The following OSBPL8 variants were observed in gnomAD, a reference collection of about 807,000 sequenced individuals.
OSBPL8 encodes the protein oxysterol-binding protein-related protein 8.
OSBPL8 carries 59 observed loss-of-function variants against 125.5 expected under a neutral mutation model. The ratio of observed to expected loss-of-function variants is 0.47; its 90% CI spans 0.38 to 0.58. The LOEUF is 0.58. Among genes scored for constraint, OSBPL8 ranks in the 20% least tolerant of loss-of-function variants. OSBPL8 has a pLI of 0.00. For synonymous variants in OSBPL8, 330 were observed against 338.9 expected (o/e 0.97, Z 0.29); for missense variants, 758 against 1,047.8 (o/e 0.72, Z 3.82).
chr12:76,510,072 C>A (rs536446541), intron 1 of OSBPL8, among the ~76,000 whole-genome samples: 1 of 152,322 alleles, frequency 6.6e-6, no homozygotes, highest in South Asian at 2.1e-4. Flanking sequence ...TCAAATTCAT[C>A]ATAATTTAGT....
chr12:76,410,041 T>C (rs1443138671), intron 5 of OSBPL8, among the ~76,000 whole-genome samples: 1 of 145,500 alleles, frequency 6.9e-6, no homozygotes, highest in East Asian at 1.9e-4. Context: ...AAATCTGAAT[T>C]TTCTTCAAGA....
intron 5 of OSBPL8, among the ~76,000 whole-genome samples, chr12:76,403,692 T>C (rs1292965452): frequency 6.6e-6 from 1 of 152,210 alleles, no homozygotes; most frequent in East Asian, 1.9e-4. Context: ...TTCTTAGCAG[T>C]ACTCCTAAGC....
chr12:76,528,127 C>T (rs1421421104), intron 1 of OSBPL8, among the ~76,000 whole-genome samples: 13 of 152,038 alleles, frequency 8.6e-5, no homozygotes, highest in Admixed American at 8.5e-4. Context: ...TCAAGACCAG[C>T]CTGACCAACA....
chr12:76,474,365 C>G (rs1449047493), intron 2 of OSBPL8, among the ~76,000 whole-genome samples: 3 of 151,892 alleles, frequency 2.0e-5, no homozygotes, highest in Non-Finnish European at 1.5e-5. Context: ...AAAACAGCAG[C>G]AATGGAGCAA....
At chr12:76,476,777 TC>T (rs1876855758) in intron 2 of OSBPL8, among the ~76,000 whole-genome samples, 1 of 151,980 alleles carries the variant, frequency 6.6e-6, no homozygotes, top group Non-Finnish European at 1.5e-5. Context: ...AGAAAAGACT[TC>T]CCAAGTCTCA....
intron 5 of OSBPL8, among the ~76,000 whole-genome samples, chr12:76,403,171 C>T (rs1283146186): frequency 6.6e-6 from 1 of 152,062 alleles, no homozygotes; most frequent in African/African-American, 2.4e-5. Flanking sequence ...CACATATTGC[C>T]CTGCTTCTAC....
At chr12:76,464,743 T>C (rs1373888881) in intron 2 of OSBPL8, among the ~76,000 whole-genome samples, 1 of 152,192 alleles carries the variant, frequency 6.6e-6, no homozygotes, top group African/African-American at 2.4e-5. Context: ...CCTCTTAATA[T>C]ACATCACGGC....
Position 76,371,521 on chromosome 12 carries a change from G to T in OSBPL8, c.1981C>A (p.Pro661Thr), listed in dbSNP as rs1269945790. Reference sequence around the variant, plus strand: ...ATTAATCTCCATTGCTTAATGTCAGGTGTTGGATTCCAGAAAACCTCTGAA... The same window carrying T: ...ATTAATCTCCATTGCTTAATGTCAGTTGTTGGATTCCAGAAAACCTCTGAA... Reference protein sequence around the residue: ...DNSEVFWNPTPDIKQWRLIRH... With the variant: ...DNSEVFWNPTTDIKQWRLIRH... Residue 661 changes from proline to threonine, a missense_variant, in exon 19 of 24, where the codon CCT becomes ACT. Transcript: ENST00000261183. 1 of 1,610,912 alleles carries T rather than the reference G, an allele frequency of 6.2e-7. No homozygotes were observed. Among genetic ancestry groups the T allele is most frequent in the Non-Finnish European group, 8.5e-7 (1 of 1,178,518 alleles).
chr12:76,527,938 T>C (rs952507417), intron 1 of OSBPL8, among the ~76,000 whole-genome samples: 2 of 152,160 alleles, frequency 1.3e-5, no homozygotes, highest in Non-Finnish European at 1.5e-5. Context: ...AAGAAATCAA[T>C]AAAGAGTTGT....
intron 4 of OSBPL8, among the ~76,000 whole-genome samples, chr12:76,446,156 A>C (rs528610231): frequency 6.6e-6 from 1 of 152,326 alleles, no homozygotes; most frequent in East Asian, 1.9e-4. Context: ...AGGACCTTTA[A>C]ATGTTATGCA....
intron 2 of OSBPL8, among the ~76,000 whole-genome samples, chr12:76,485,747 G>A (rs969554169): frequency 1.1e-4 from 17 of 152,234 alleles, no homozygotes; most frequent in African/African-American, 4.1e-4. Flanking sequence ...AAGTCTTAGA[G>A]AAGATAATTA....
intron 18 of OSBPL8, 38 bp from the exon 19 acceptor site, chr12:76,371,622 A>G (rs73383543): frequency 0.19 from 280,931 of 1,492,824 alleles, 27,834 homozygotes; most frequent in Middle Eastern, 0.24. Context: ...GTAAAGAATT[A>G]TACTTAGAAG....
chr12:76,526,581 T>C (rs1592852835), intron 1 of OSBPL8, among the ~76,000 whole-genome samples: 2 of 149,976 alleles, frequency 1.3e-5, no homozygotes, highest in South Asian at 2.1e-4. Context: ...AATATATAAC[T>C]GTAAAAATTA....
intron 2 of OSBPL8, among the ~76,000 whole-genome samples, chr12:76,463,237 G>T (rs1874963744): frequency 1.3e-5 from 2 of 152,122 alleles, no homozygotes; most frequent in Non-Finnish European, 2.9e-5. Flanking sequence ...TTTGAAAATA[G>T]AGCAAACAAG....
intron 1 of OSBPL8, among the ~76,000 whole-genome samples, chr12:76,553,123 G>C (rs73138839): frequency 1.3e-5 from 2 of 151,958 alleles, no homozygotes; most frequent in Non-Finnish European, 1.5e-5. Context: ...TACTCTACCC[G>C]GTAATAATGT....
Position 76,450,966 on chromosome 12 carries a change from T to C in OSBPL8, c.102A>G (p.Glu34=), listed in dbSNP as rs1288676872. The C allele has an allele frequency of 6.2e-7, 1 of 1,613,772 alleles. No homozygotes were observed. Among genetic ancestry groups the C allele is most frequent in the South Asian group, 1.1e-5 (1 of 91,034 alleles). Residue 34 remains glutamate, a synonymous_variant, in exon 4 of 24, where the codon GAA becomes GAG. Coordinates refer to ENST00000261183, the MANE Select transcript of OSBPL8 (RefSeq NM_020841.5). ...TCTTTCCTGGTGTCAGAAGCTGAGA[T>C]TCGTCACTGTTTGCTACAACAGCTC... is the stretch of plus-strand genomic sequence containing the variant. ...GPSTVVANSD[E]SQLLTPGKMS...
intron 1 of OSBPL8, among the ~76,000 whole-genome samples, chr12:76,521,451 G>A (rs988327342): frequency 6.6e-6 from 1 of 152,066 alleles, no homozygotes; most frequent in Admixed American, 6.6e-5. Flanking sequence ...CCACTTCTAG[G>A]TAAGTAAACA....
At chr12:76,511,758 G>T (rs1435865401) in intron 1 of OSBPL8, among the ~76,000 whole-genome samples, 1 of 152,132 alleles carries the variant, frequency 6.6e-6, no homozygotes, top group Non-Finnish European at 1.5e-5. Context: ...TTTTGCTTTT[G>T]CTGCGATTGC....
At chr12:76,509,510 T>TA (rs1231329679) in intron 1 of OSBPL8, among the ~76,000 whole-genome samples, 1 of 152,250 alleles carries the variant, frequency 6.6e-6, no homozygotes, top group Non-Finnish European at 1.5e-5. Context: ...ATTGCTTGAT[T>TA]AAAGCAGTCT....
Sources: allele counts gnomAD v4.1 joint callset (sites outside exome capture counted in the v4.1 genomes callset), GRCh38; gene constraint gnomAD v4.1.1; transcripts MANE v1.5; gene names NCBI Gene and HGNC (gene_info 2026-07-23, HGNC 2026-07-21).